The following PTPN20 variants were observed in gnomAD, a reference collection of about 807,000 sequenced individuals.
PTPN20 encodes the protein protein tyrosine phosphatase non-receptor type 20, also known as tyrosine-protein phosphatase non-receptor type 20.
A neutral mutation model predicts 35.0 loss-of-function variants in PTPN20; 9 were observed. The ratio of observed to expected loss-of-function variants is 0.26; its 90% confidence interval spans 0.15 to 0.45. The LOEUF (loss-of-function observed/expected upper bound fraction) is 0.45. Ranked by LOEUF, PTPN20 falls within the 20% of genes least tolerant of loss-of-function variation. PTPN20 has a pLI of 1.00. For missense variants in PTPN20, 111 were observed against 312.5 expected, an observed-to-expected ratio of 0.36 and a Z score of 4.86; for synonymous variants, 32 against 100.2, an observed-to-expected ratio of 0.32 and a Z score of 4.06.
At chr10:46,951,356 G>T (rs1555146004) in intron 5 of PTPN20, among the ~76,000 whole-genome samples, 1 of 151,984 alleles carries the variant, frequency 6.6e-6, no homozygotes, top group South Asian at 2.1e-4. Flanking sequence ...TATAAACTTT[G>T]TTCATTGTTT....
rs1363918684 is a variant in PTPN20, at chr10:46,953,887, C to A, written c.340+7212C>A. On this transcript the variant is annotated intron_variant, in intron 5 of 10. Coordinates refer to ENST00000374339, the MANE Select transcript of PTPN20 (RefSeq NM_001042357.5). Reference sequence around the variant, plus strand: ...CTGTAATTTTCTTTTTTTGTGATATCTTTTTCCGGTTTTAGTATCAGAGCA... The same window carrying A: ...CTGTAATTTTCTTTTTTTGTGATATATTTTTCCGGTTTTAGTATCAGAGCA... Among the ~76,000 whole-genome samples, 17 of 137,074 alleles carry A rather than the reference C, an allele frequency of 1.2e-4. No homozygotes were observed. In the East Asian group the frequency reaches 3.7e-3, roughly 30 times the overall value. 89.9% of individuals were successfully genotyped at this position (137,074 alleles called of 152,430 possible).
At chr10:46,998,609 C>T (rs1487035352) in intron 9 of PTPN20, among the ~76,000 whole-genome samples, 2 of 148,190 alleles carry the variant, frequency 1.3e-5, no homozygotes, top group African/African-American at 4.9e-5. Context: ...GCATGGAGCT[C>T]TGTGCATGCA....
At chr10:46,944,787 A>G (rs1555139368) in intron 4 of PTPN20, among the ~76,000 whole-genome samples, 1 of 147,436 alleles carries the variant, frequency 6.8e-6, no homozygotes, top group African/African-American at 2.7e-5. Flanking sequence ...AAACTACTAT[A>G]TATTTTTTGC....
chr10:46,932,248 T>A, intron 1 of PTPN20, 129 bp from the exon 2 acceptor site: 2 of 1,355,324 alleles, frequency 1.5e-6, no homozygotes, highest in East Asian at 5.3e-5. Context: ...AAATTTCAAA[T>A]GAAATTTATT....
chr10:46,932,729 A>G (rs2040148589), intron 2 of PTPN20, among the ~76,000 whole-genome samples, 196 bp downstream of exon 2: 1 of 151,198 alleles, frequency 6.6e-6, no homozygotes, highest in Non-Finnish European at 1.5e-5. Flanking sequence ...AACAACAATT[A>G]AACTCTAGTG....
intron 8 of PTPN20, among the ~76,000 whole-genome samples, chr10:46,986,379 A>G (rs2056879765): frequency 6.7e-6 from 1 of 148,358 alleles, no homozygotes; most frequent in Non-Finnish European, 1.5e-5. Context: ...TGTGGATTAG[A>G]ATAGAGCTCT....
chr10:46,993,481 G>A (rs1555178399), intron 9 of PTPN20, among the ~76,000 whole-genome samples: 1 of 152,190 alleles, frequency 6.6e-6, no homozygotes, highest in East Asian at 1.9e-4. Context: ...AGGCAGGGCG[G>A]TGTTGCCGTG....
At chr10:46,925,902 A>T (rs1190292777) in intron 1 of PTPN20, 1 of 920,168 alleles carries the variant, frequency 1.1e-6, no homozygotes, top group East Asian at 1.2e-4. Context: ...GCCTTTAGGC[A>T]TATGTGGACC....
chr10:46,972,204 C>T (rs1214312933), intron 7 of PTPN20, among the ~76,000 whole-genome samples: 1 of 145,596 alleles, frequency 6.9e-6, no homozygotes, highest in Non-Finnish European at 1.5e-5. Flanking sequence ...CTCACAAAAA[C>T]TTATATTTAT....
At chr10:46,997,138 A>G (rs1432401761) in intron 9 of PTPN20, among the ~76,000 whole-genome samples, 1 of 152,116 alleles carries the variant, frequency 6.6e-6, no homozygotes, top group Non-Finnish European at 1.5e-5. Context: ...GTCTTTTTTG[A>G]ATTCTTGCAT....
intron 1 of PTPN20, among the ~76,000 whole-genome samples, chr10:46,923,416 A>AT (rs1190073494): frequency 2.7e-5 from 4 of 145,704 alleles, no homozygotes; most frequent in African/African-American, 5.5e-5. Context: ...ATTTTGAGTT[A>AT]TTTTTTTGTG....
Position 46,935,920 on chromosome 10 carries a change from T to G in PTPN20, c.34+3387T>G, listed in dbSNP as rs1195976137. Among the ~76,000 whole-genome samples the G allele has an allele frequency of 1.6e-3, 240 of 151,566 alleles. 1 individual carries two copies. The highest frequency in any genetic ancestry group is 2.9e-3 in the Non-Finnish European group (199 of 67,728). On this transcript the variant is annotated intron_variant, in intron 2 of 10. Transcript: ENST00000374339. ...GTTGAACTTAAATTCCCATCAGCAG[T>G]GTATAAGTGTTCCCTTTTCTCTGTA...
At chr10:46,929,498 C>CT (rs1250512414) in intron 1 of PTPN20, among the ~76,000 whole-genome samples, 1 of 151,836 alleles carries the variant, frequency 6.6e-6, no homozygotes, top group African/African-American at 2.4e-5. Context: ...ACCTCTGTGA[C>CT]TTCTCAGAGT....
At chr10:46,995,320 G>A (rs957321753) in intron 9 of PTPN20, among the ~76,000 whole-genome samples, 21 of 138,454 alleles carry the variant, frequency 1.5e-4, no homozygotes, top group Non-Finnish European at 2.0e-4. Flanking sequence ...TTTACCTGTC[G>A]AATTTTTTTT....
In PTPN20 at chr10:46,984,398, T is replaced by C; in HGVS notation, c.752T>C (p.Ile251Thr). ...GTGTTGGAAAATAATTCAAATGTTA[T>C]TGCCATGATAACCAGAGAGATAGAA... ...QMVLENNSNV[I>T]AMITREIEGG... is the part of the protein sequence containing the mutation. Residue 251 changes from isoleucine (I) to threonine (T), a missense_variant, in exon 8 of 11, where the codon ATT (isoleucine) becomes ACT (threonine). Around this residue, in one of 5 missense-constraint regions of PTPN20, gnomAD observed 15 missense variants for 24.9 expected, o/e 0.60. Coordinates refer to ENST00000374339, the MANE Select transcript of PTPN20 (RefSeq NM_001042357.5). 1.2e-6 allele frequency: 2 copies of C among 1,611,878 alleles called. No individual in the cohort carries two copies. Among genetic ancestry groups the C allele is most frequent in the Non-Finnish European group, 1.7e-6 (2 of 1,179,810 alleles).
chr10:46,984,047 A>G (rs1222938968), intron 7 of PTPN20, among the ~76,000 whole-genome samples, 183 bp from the exon 8 acceptor site: 1 of 152,042 alleles, frequency 6.6e-6, no homozygotes, highest in Non-Finnish European at 1.5e-5. Context: ...GGTCATGCCA[A>G]TAGTTTTCAG....
At chr10:46,926,578 G>A (rs2037473852) in intron 1 of PTPN20, among the ~76,000 whole-genome samples, 1 of 150,528 alleles carries the variant, frequency 6.6e-6, no homozygotes, top group Non-Finnish European at 1.5e-5. Flanking sequence ...AACTAAGAAG[G>A]GTCTGTTAAT....
intron 1 of PTPN20, among the ~76,000 whole-genome samples, chr10:46,919,264 G>C (rs1172645047): frequency 6.6e-6 from 1 of 152,170 alleles, no homozygotes; most frequent in Non-Finnish European, 1.5e-5. Flanking sequence ...TGGATGGCCA[G>C]ACCATTTACA....
intron 7 of PTPN20, among the ~76,000 whole-genome samples, chr10:46,975,951 G>A (rs1289621948): frequency 2.0e-5 from 3 of 151,570 alleles, no homozygotes; most frequent in Admixed American, 1.3e-4. Flanking sequence ...ATGAGCCACC[G>A]CACAGAGCTG....
Sources: gnomAD v4.1 joint callset for allele counts (sites outside exome capture counted in the v4.1 genomes callset) on GRCh38, gnomAD v4.1.1 for gene constraint, gnomAD v4.1.1 regional missense constraint, MANE v1.5 for transcripts, NCBI Gene and HGNC (gene_info 2026-07-23, HGNC 2026-07-21) for gene names.